The following MARCHF8 variants were observed in gnomAD, a reference collection of about 807,000 sequenced individuals.
MARCHF8 encodes the protein E3 ubiquitin-protein ligase MARCHF8.
Under a neutral mutation model 51.6 loss-of-function variants are expected in MARCHF8, and 40 were observed. The ratio of observed to expected loss-of-function variants is 0.77; its 90% CI spans 0.60 to 1.01. The LOEUF is 1.01. MARCHF8 is among the 50% of genes least tolerant of loss of function. The probability of loss-of-function intolerance (pLI) is 0.00; values close to 1 mark genes in which losing one functional copy is unlikely to be tolerated. For missense variants in MARCHF8, 685 were observed against 708.6 expected, an observed-to-expected ratio of 0.97 and a Z score of 0.38; for synonymous variants, 263 against 280.3, an observed-to-expected ratio of 0.94 and a Z score of 0.62.
chr10:45,519,981 A>G (rs909171043), intron 2 of MARCHF8, among the ~76,000 whole-genome samples: 2 of 152,224 alleles, frequency 1.3e-5, no homozygotes, highest in Admixed American at 1.3e-4. Context: ...GAGGAGGACA[A>G]CAGCACCTGG....
At chr10:45,513,498 A>T (rs2133209305) in intron 2 of MARCHF8, among the ~76,000 whole-genome samples, 1 of 152,254 alleles carries the variant, frequency 6.6e-6, no homozygotes, top group Admixed American at 6.5e-5. Context: ...GTTGTCTCAG[A>T]GCTCAGGGCT....
At chr10:45,482,205 A>G (rs2042900716) in intron 3 of MARCHF8, among the ~76,000 whole-genome samples, 1 of 152,244 alleles carries the variant, frequency 6.6e-6, no homozygotes, top group African/African-American at 2.4e-5. Flanking sequence ...TCCACGGATC[A>G]AAAGAATTAG....
chr10:45,487,551 G>A (rs2043004255), intron 3 of MARCHF8, among the ~76,000 whole-genome samples: 1 of 152,128 alleles, frequency 6.6e-6, no homozygotes, highest in South Asian at 2.1e-4. Flanking sequence ...GCAAAAATGG[G>A]CAGCAATGGT....
chr10:45,486,693 T>C (rs998339072), intron 3 of MARCHF8, among the ~76,000 whole-genome samples: 2 of 152,142 alleles, frequency 1.3e-5, no homozygotes, highest in Admixed American at 1.3e-4. Flanking sequence ...CAACGAACTT[T>C]GACAAGAGTC....
intron 6 of MARCHF8, chr10:45,459,838 A>G: frequency 2.0e-6 from 2 of 985,394 alleles, no homozygotes; most frequent in Non-Finnish European, 2.4e-6. Context: ...CTAGGAGCTC[A>G]TTAATTTACT....
At chr10:45,500,798 T>C (rs1343614841) in intron 2 of MARCHF8, among the ~76,000 whole-genome samples, 1 of 151,864 alleles carries the variant, frequency 6.6e-6, no homozygotes, top group Non-Finnish European at 1.5e-5. Context: ...AACAACAAAG[T>C]CCTCGAAGGA....
chr10:45,588,685 TAAC>T (rs1308088036), intron 1 of MARCHF8, among the ~76,000 whole-genome samples: 1 of 152,158 alleles, frequency 6.6e-6, no homozygotes, highest in Non-Finnish European at 1.5e-5. Context: ...GAATTGTGGT[TAAC>T]AAAATAATGA....
chr10:45,514,172 A>G (rs1175222610), intron 2 of MARCHF8, among the ~76,000 whole-genome samples: 1 of 152,272 alleles, frequency 6.6e-6, no homozygotes, highest in Non-Finnish European at 1.5e-5. Flanking sequence ...TACATCATTG[A>G]AAATGAAATT....
At chr10:45,497,424 C>T (rs1218363630) in intron 2 of MARCHF8, among the ~76,000 whole-genome samples, 1 of 152,126 alleles carries the variant, frequency 6.6e-6, no homozygotes, top group African/African-American at 2.4e-5. Context: ...ACTAAACCAA[C>T]TTGACCTAAC....
At chr10:45,529,923 A>T (rs1190723655) in intron 2 of MARCHF8, among the ~76,000 whole-genome samples, 1 of 152,220 alleles carries the variant, frequency 6.6e-6, no homozygotes, top group African/African-American at 2.4e-5. Flanking sequence ...TGATCCAGTG[A>T]TCCCACTACT....
chr10:45,507,978 C>A (rs2043419205), intron 2 of MARCHF8, among the ~76,000 whole-genome samples: 2 of 152,082 alleles, frequency 1.3e-5, no homozygotes, highest in Admixed American at 1.3e-4. Context: ...GTATAAATAA[C>A]AAAGATTCTG....
rs568775045 is a variant in MARCHF8 at position 45,500,002 on chromosome 10, C to T, written c.103-10585G>A. 5.9e-5 allele frequency among the ~76,000 whole-genome samples: 9 copies of T among 152,128 alleles called. No individual in the cohort carries two copies. In the South Asian group the frequency reaches 1.0e-3, roughly 18 times the overall value. ...ACTGAGATTTTGAGAAGGATTATAC[C>T]GAATATACAGATTGATTTGGGCAGT... On this transcript the variant is annotated intron_variant, in intron 2 of 7. Coordinates refer to ENST00000453424, the MANE Select transcript of MARCHF8 (RefSeq NM_001282866.2).
chr10:45,464,968 A>G (rs1308312336), intron 3 of MARCHF8, among the ~76,000 whole-genome samples: 1 of 152,234 alleles, frequency 6.6e-6, no homozygotes, highest in Non-Finnish European at 1.5e-5. Flanking sequence ...AAAAATAATC[A>G]AGAAAATTTA....
chr10:45,494,331 G>C (rs949000214), intron 2 of MARCHF8, among the ~76,000 whole-genome samples: 1 of 152,154 alleles, frequency 6.6e-6, no homozygotes, highest in East Asian at 1.9e-4. Flanking sequence ...AGAAGACAAC[G>C]AGGTGAGATG....
In MARCHF8 at chr10:45,549,795, T is replaced by G. The variant is rs137935894; in HGVS notation, c.-78-16506A>C. 3.6e-3 allele frequency among the ~76,000 whole-genome samples: 551 copies of G among 152,302 alleles called. 3 individuals carry two copies. Among genetic ancestry groups the G allele is most frequent in the African/African-American group, 0.013 (522 of 41,566 alleles). On this transcript the variant is annotated intron_variant, in intron 1 of 6. Transcript: ENST00000319836. Reference sequence around the variant, plus strand: ...AAGAATAAGTTCAGCCTCCTTCCCTTCTCTCCATCCCAGGCACATGCTCTC... The same window carrying G: ...AAGAATAAGTTCAGCCTCCTTCCCTGCTCTCCATCCCAGGCACATGCTCTC...
At chr10:45,489,276 T>TC in intron 3 of MARCHF8, 91 bp downstream of exon 3, 1 of 952,510 alleles carries the variant, frequency 1.0e-6, no homozygotes, top group East Asian at 2.5e-5. Context: ...TAACGTCTTT[T>TC]CAAAAAAAAA....
chr10:45,524,537 G>T (rs557089445), intron 2 of MARCHF8, among the ~76,000 whole-genome samples: 1 of 152,330 alleles, frequency 6.6e-6, no homozygotes, highest in Non-Finnish European at 1.5e-5. Context: ...CTCACAGATG[G>T]TGATGCCTAA....
chr10:45,512,379 C>T (rs1345819203), intron 2 of MARCHF8, among the ~76,000 whole-genome samples: 2 of 151,056 alleles, frequency 1.3e-5, no homozygotes, highest in African/African-American at 4.9e-5. Flanking sequence ...GCCAGCCGCC[C>T]CGTCCAGGAG....
chr10:45,470,887 T>G (rs2042676747), intron 3 of MARCHF8, among the ~76,000 whole-genome samples: 2 of 152,202 alleles, frequency 1.3e-5, no homozygotes, highest in African/African-American at 4.8e-5. Context: ...CAATGCTTCA[T>G]TATGAGTAAC....
Sources: allele counts gnomAD v4.1 joint callset (sites outside exome capture counted in the v4.1 genomes callset), GRCh38; gene constraint gnomAD v4.1.1; transcripts MANE v1.5; gene names NCBI Gene and HGNC (gene_info 2026-07-23, HGNC 2026-07-21).